RELL1: variants seen among roughly 807,000 people sequenced by gnomAD.
The protein encoded by RELL1 is RELT like 1.
Under a neutral mutation model 23.0 loss-of-function variants are expected in RELL1, and 10 were observed. That is an observed-to-expected ratio of 0.43 (90% confidence interval 0.27 to 0.74). RELL1 has a LOEUF of 0.74. RELL1 is among the 30% of genes least tolerant of loss of function. The pLI, the probability that RELL1 is intolerant of heterozygous loss-of-function variation, is 0.19. For missense variants in RELL1, 315 were observed against 364.4 expected (o/e 0.86, Z 1.10); for synonymous variants, 146 against 146.8 (o/e 0.99, Z 0.04).
chr4:37,645,060 G>C (rs1720663411), intron 3 of RELL1, among the ~76,000 whole-genome samples: 1 of 152,166 alleles, frequency 6.6e-6, no homozygotes, highest in African/African-American at 2.4e-5. Context: ...CCACAGAACA[G>C]GCCCAGCACA....
intron 6 of RELL1, among the ~76,000 whole-genome samples, chr4:37,617,378 C>A (rs1026886746): frequency 1.3e-5 from 2 of 152,204 alleles, no homozygotes; most frequent in Non-Finnish European, 2.9e-5. Context: ...AAAGGGTAAA[C>A]CCTGCAAACA....
chr4:37,653,313 T>TGTATTGAAACCTCAATACAA lies in RELL1; in HGVS notation c.89-3833_89-3814dup, dbSNP rs1235291318. 3.2e-3 allele frequency among the ~76,000 whole-genome samples: 389 copies of TGTATTGAAACCTCAATACAA among 122,886 alleles called. 74 individuals carry two copies. The highest frequency in any genetic ancestry group is 4.3e-3 in the Non-Finnish European group (227 of 52,646). The allele number at this position is 122,886 out of a possible 152,430, so 80.6% of individuals were successfully genotyped here. The stretch of plus-strand genomic sequence containing the variant: ...TGAACATCTGCTCCCTCTTTCCCCT[T>TGTATTGAAACCTCAATACAA]GTATTGAAACCTCAATACAAGTATT... On this transcript the variant is annotated intron_variant, in intron 1 of 6. Transcript: ENST00000454158.
At chr4:37,604,870 C>CACACACAG (rs1560323871) in intron 6 of RELL1, among the ~76,000 whole-genome samples, 1 of 137,938 alleles carries the variant, frequency 7.2e-6, no homozygotes, top group Non-Finnish European at 1.6e-5. Flanking sequence ...CACACAGACA[C>CACACACAG]ACACACACAT....
chr4:37,667,595 G>A (rs975377012), intron 1 of RELL1, among the ~76,000 whole-genome samples: 1 of 150,898 alleles, frequency 6.6e-6, no homozygotes, highest in Non-Finnish European at 1.5e-5. Context: ...TAGAGTTAGA[G>A]AAGGTAGAAA....
At position 37,613,068 on chromosome 4, in the gene RELL1, G is replaced by T. The variant is rs1427767102; in HGVS notation, c.*278C>A. ...TGTACACCAAGGCCTGGGATTAGGG[G>T]CTGGGAAGAGTAGAGGCTGGGAGTG... On this transcript the variant is annotated 3_prime_UTR_variant, in exon 7 of 7. Transcript: ENST00000454158. The T allele has an allele frequency of 6.6e-6, 1 of 152,232 alleles. No homozygotes were observed. The highest frequency in any genetic ancestry group is 1.5e-5 in the Non-Finnish European group (1 of 68,056). The allele number at this position is 152,232 out of a possible 1,614,324, so 9.4% of individuals were successfully genotyped here.
chr4:37,595,029 G>A (rs1383329837), intron 6 of RELL1, among the ~76,000 whole-genome samples: 2 of 152,290 alleles, frequency 1.3e-5, no homozygotes, highest in Admixed American at 6.5e-5. Context: ...TGACGAAAAC[G>A]TAGAAATTAA....
chr4:37,669,430 G>C (rs868078260), intron 1 of RELL1, among the ~76,000 whole-genome samples: 1,697 of 150,104 alleles, frequency 0.011, 22 homozygotes, highest in African/African-American at 0.039. Flanking sequence ...CCCCCCACCC[G>C]GCCAGCCACC....
chr4:37,673,666 C>T (rs1408642969), intron 1 of RELL1, among the ~76,000 whole-genome samples: 1 of 152,150 alleles, frequency 6.6e-6, no homozygotes, highest in East Asian at 1.9e-4. Context: ...CACCCTCTGC[C>T]TCCCTACCAC....
chr4:37,681,405 A>G lies in RELL1; in HGVS notation c.88+4795T>C, dbSNP rs566209278. Among the ~76,000 whole-genome samples the G allele has an allele frequency of 2.0e-5, 3 of 152,264 alleles. No homozygotes were observed. The East Asian group carries it at 5.8e-4, about 29-fold the overall frequency. ...GAACTTTCAGAGACAAGAGCTCAGT[A>G]AGACAGAGCAGCCAGTAGGACAGAG... On this transcript the variant is annotated intron_variant, in intron 1 of 6. Transcript: ENST00000454158.
intron 1 of RELL1, among the ~76,000 whole-genome samples, chr4:37,682,069 T>C (rs1722246212): frequency 6.6e-6 from 1 of 152,222 alleles, no homozygotes; most frequent in Non-Finnish European, 1.5e-5. Context: ...TCAACTTCTC[T>C]GAGGCTCAAT....
chr4:37,612,571 A>C lies in RELL1; in HGVS notation c.*775T>G, dbSNP rs1719439475. ...GAATCGCTTGAACCTGGGGAGGTGG[A>C]GATTGAGGTGAGTGGAGATTGTGCC... On this transcript the variant is annotated 3_prime_UTR_variant, in exon 7 of 7. Transcript: ENST00000454158. Among the ~76,000 whole-genome samples, 1 of 147,580 alleles carries C rather than the reference A, an allele frequency of 6.8e-6. No homozygotes were observed. The highest frequency in any genetic ancestry group is 6.8e-5 in the Admixed American group (1 of 14,642).
At chr4:37,661,633 A>T (rs1227073804) in intron 1 of RELL1, among the ~76,000 whole-genome samples, 1 of 152,216 alleles carries the variant, frequency 6.6e-6, no homozygotes, top group Non-Finnish European at 1.5e-5. Context: ...ATAAAAGAAG[A>T]GAAACCAAAG....
intron 1 of RELL1, among the ~76,000 whole-genome samples, chr4:37,676,700 C>T (rs1722033485): frequency 6.6e-6 from 1 of 152,150 alleles, no homozygotes; most frequent in Admixed American, 6.5e-5. Flanking sequence ...CAGCCTCTCA[C>T]CAGTGCAAGA....
chr4:37,610,431 T>TATC (rs1560326830), downstream of RELL1, among the ~76,000 whole-genome samples: 2 of 152,078 alleles, frequency 1.3e-5, no homozygotes, highest in Admixed American at 6.6e-5. The surrounding 1 kb of genome is among the most constrained non-coding windows in gnomAD (Gnocchi z 4.1). Flanking sequence ...GAACCCACAG[T>TATC]ATCTCCAAAG....
intron 6 of RELL1, among the ~76,000 whole-genome samples, chr4:37,631,020 G>A (rs896679654): frequency 6.6e-5 from 10 of 151,480 alleles, no homozygotes; most frequent in Admixed American, 2.0e-4. Flanking sequence ...CTTTTTTTGC[G>A]TAAGAAGATG....
At chr4:37,657,900 G>A (rs1291079547) in intron 1 of RELL1, among the ~76,000 whole-genome samples, 9 of 152,076 alleles carry the variant, frequency 5.9e-5, no homozygotes, top group Admixed American at 4.6e-4. Flanking sequence ...GTCAGCCTGG[G>A]GGACACAGCG....
At chr4:37,622,693 T>C in intron 6 of RELL1, 1 of 409,936 alleles carries the variant, frequency 2.4e-6, no homozygotes, top group South Asian at 1.8e-5. Flanking sequence ...GTATAAGCAC[T>C]AGGATAGAAG....
At chr4:37,682,091 C>G (rs1577615027) in intron 1 of RELL1, among the ~76,000 whole-genome samples, 1 of 152,050 alleles carries the variant, frequency 6.6e-6, no homozygotes, top group South Asian at 2.1e-4. Flanking sequence ...TCCTCATCTA[C>G]AAACACAGGA....
intron 6 of RELL1, among the ~76,000 whole-genome samples, chr4:37,604,862 CACAGACACACACACACATACACACAG>C (rs1560323853): frequency 1.4e-4 from 18 of 126,496 alleles, no homozygotes; most frequent in South Asian, 4.9e-4. Context: ...GACACACACA[CACAGACACACACACACATACACACAG>C]ACACACACAC....
Sources: allele counts gnomAD v4.1 joint callset (sites outside exome capture counted in the v4.1 genomes callset), GRCh38; gene constraint gnomAD v4.1.1; non-coding constraint Gnocchi (gnomAD v3.1); transcripts MANE v1.5; gene names NCBI Gene and HGNC (gene_info 2026-07-23, HGNC 2026-07-21).